The following PIGN variants were observed in gnomAD, a reference collection of about 807,000 sequenced individuals.
The protein encoded by PIGN is GPI ethanolamine phosphate transferase 1.
Under a neutral mutation model 125.4 loss-of-function variants are expected in PIGN, and 117 were observed. The observed-to-expected ratio is 0.93, with a 90% CI of 0.80 to 1.09. The LOEUF is 1.09. PIGN is among the 50% of genes least tolerant of loss of function. The pLI, the probability that PIGN is intolerant of heterozygous loss-of-function variation, is 0.00. For missense variants in PIGN, 1,075 were observed against 1,094.9 expected (o/e 0.98, Z 0.26); for synonymous variants, 392 against 377.8 (o/e 1.04, Z -0.44).
intron 14 of PIGN, among the ~76,000 whole-genome samples, chr18:62,116,539 T>C (rs1339237525): frequency 1.3e-5 from 2 of 152,198 alleles, no homozygotes; most frequent in East Asian, 1.9e-4. Context: ...TGTTCCCCTC[T>C]TTGCTTTCTA....
At chr18:62,165,468 A>G (rs999035542) in intron 1 of PIGN, among the ~76,000 whole-genome samples, 1 of 152,252 alleles carries the variant, frequency 6.6e-6, no homozygotes, top group African/African-American at 2.4e-5. Flanking sequence ...TGGTTTGAGC[A>G]TGTGAATGGT....
intron 30 of PIGN, among the ~76,000 whole-genome samples, chr18:62,059,695 T>C (rs552356913): frequency 2.0e-5 from 3 of 152,284 alleles, no homozygotes; most frequent in South Asian, 2.1e-4. Flanking sequence ...TTCTGTGTGA[T>C]GGAAATGTTC....
chr18:62,099,257 C>T (rs76144032), intron 22 of PIGN, among the ~76,000 whole-genome samples: 5,578 of 152,072 alleles, frequency 0.037, 153 homozygotes, highest in Middle Eastern at 0.071. Context: ...GGAAACAGCA[C>T]GAAATCTAGA....
At chr18:62,063,970 C>T (rs1298929011) in intron 30 of PIGN, among the ~76,000 whole-genome samples, 2 of 151,438 alleles carry the variant, frequency 1.3e-5, no homozygotes, top group African/African-American at 4.8e-5. Context: ...GGAGATATAC[C>T]TAATGTAAAT....
At position 62,157,185 on chromosome 18, in the gene PIGN, T is replaced by C. The variant is rs1462291476; in HGVS notation, c.386A>G (p.Glu129Gly). The C allele has an allele frequency of 9.3e-6, 15 of 1,609,922 alleles. No individual in the cohort carries two copies. The highest frequency in any genetic ancestry group is 1.3e-5 in the Non-Finnish European group (15 of 1,177,432). ...TCCCCAGCTCCATGTGTATTTACTT[T>C]CATTAAAAAGAGAATCAAACTCTAC... is the stretch of plus-strand genomic sequence containing the variant. ...NPVEFDSLFN[E>G]SKYTWSWGSP... The change falls in exon 6 of 31, where the codon GAA becomes GGA. Residue 129 changes from glutamate (E) to glycine (G), a missense_variant. By Grantham distance (98) the Glu-to-Gly change is moderately conservative. This residue lies in a region of PIGN where 152 missense variants were observed against 162.9 expected (regional missense o/e 0.93). Coordinates refer to ENST00000640252, the MANE Select transcript of PIGN (RefSeq NM_176787.5).
At chr18:62,032,382 T>C (rs2030204378) in intron 23 of PIGN, among the ~76,000 whole-genome samples, 1 of 152,246 alleles carries the variant, frequency 6.6e-6, no homozygotes, top group Non-Finnish European at 1.5e-5. Flanking sequence ...TCCTTCTGCT[T>C]CACATGCCAT....
At chr18:62,039,623 G>T (rs539226530), downstream of PIGN, among the ~76,000 whole-genome samples, 440 of 110,346 alleles carry the variant, frequency 4.0e-3, 30 homozygotes, top group Non-Finnish European at 6.8e-3. Context: ...CCCATCCAGA[G>T]TGCCGCACCC....
rs1343168241 is a variant in PIGN at position 62,109,821 on chromosome 18, A to G, written c.1574+13T>C. ...TGAAGTGAAAAAACAAGGCAGCAAG[A>G]TGCATTACTTACTCTCTTAGAACCG... On this transcript the variant is annotated intron_variant, in intron 17 of 30. Coordinates refer to ENST00000640252, the MANE Select transcript of PIGN (RefSeq NM_176787.5). 4.4e-6 allele frequency: 7 copies of G among 1,593,396 alleles called. No homozygotes were observed. Among genetic ancestry groups the G allele is most frequent in the Non-Finnish European group, 6.0e-6 (7 of 1,168,484 alleles).
chr18:62,184,417 T>G (rs919555402), intron 1 of PIGN: 1 of 152,178 alleles, frequency 6.6e-6, no homozygotes, highest in African/African-American at 2.4e-5. Context: ...TAATACATTA[T>G]TATAAGTAGT....
intron 22 of PIGN, among the ~76,000 whole-genome samples, chr18:62,098,613 G>C (rs1252008876): frequency 1.3e-5 from 2 of 152,000 alleles, no homozygotes; most frequent in African/African-American, 4.8e-5. Context: ...CATCCATTTG[G>C]AGATCATAGC....
rs149442208 is a variant in PIGN at position 62,156,178 on chromosome 18, A to C, written c.442+951T>G. On this transcript the variant is annotated intron_variant, in intron 6 of 30. Coordinates refer to ENST00000640252, the MANE Select transcript of PIGN (RefSeq NM_176787.5). ...TAAGAGATGTCCCAATATTTGCAGA[A>C]TCATGCATATAAACAATAAATCTAA... Among the ~76,000 whole-genome samples, 236 of 152,310 alleles carry C rather than the reference A, an allele frequency of 1.5e-3. 1 individual carries two copies. Among genetic ancestry groups the C allele is most frequent in the African/African-American group, 5.3e-3 (219 of 41,544 alleles).
chr18:62,064,162 G>C (rs2032369138), intron 30 of PIGN, among the ~76,000 whole-genome samples: 1 of 152,198 alleles, frequency 6.6e-6, no homozygotes, highest in Non-Finnish European at 1.5e-5. Flanking sequence ...TGTCACTGAA[G>C]GCTTAAGTGA....
chr18:62,113,227 A>T lies in PIGN; in HGVS notation c.1341T>A (p.Val447=). ...ATATCCATCCCACAAAACCAATAAC[A>T]ACATTGACGCCCAAAAAGAATCTGT... ...TYDRFFLGVN[V]VIGFVGWISY... Residue 447 remains valine (V), a synonymous_variant, in exon 16 of 31, where the codon GTT becomes GTA. Coordinates refer to ENST00000640252, the MANE Select transcript of PIGN (RefSeq NM_176787.5). 6.2e-7 allele frequency: 1 copy of T among 1,613,072 alleles called. No homozygotes were observed. Among genetic ancestry groups the T allele is most frequent in the Non-Finnish European group, 8.5e-7 (1 of 1,179,388 alleles).
intron 30 of PIGN, among the ~76,000 whole-genome samples, chr18:62,053,971 C>G (rs1295291635): frequency 1.3e-5 from 2 of 152,066 alleles, no homozygotes; most frequent in Non-Finnish European, 2.9e-5. Flanking sequence ...CACTTGGAAA[C>G]TAAACAACAC....
At chr18:62,109,219 C>T (rs2034776830) in intron 17 of PIGN, among the ~76,000 whole-genome samples, 1 of 152,204 alleles carries the variant, frequency 6.6e-6, no homozygotes, top group South Asian at 2.1e-4. Context: ...GTGTTTGAAA[C>T]TCACCAAAGA....
intron 30 of PIGN, among the ~76,000 whole-genome samples, chr18:62,050,231 G>C (rs1192389517): frequency 1.3e-5 from 2 of 152,178 alleles, no homozygotes; most frequent in African/African-American, 4.8e-5. Context: ...TTCCAATTCT[G>C]TGAAGAAAGG....
At chr18:62,121,968 G>T (rs191155668) in intron 14 of PIGN, among the ~76,000 whole-genome samples, 1 of 152,164 alleles carries the variant, frequency 6.6e-6, no homozygotes, top group Admixed American at 6.5e-5. Context: ...CATGGTGGTT[G>T]TACTAATTTA....
intron 7 of PIGN, among the ~76,000 whole-genome samples, chr18:62,152,870 T>TATA (rs1568234950): frequency 1.9e-4 from 3 of 15,972 alleles, no homozygotes; most frequent in African/African-American, 6.3e-4. Context: ...ATATATATAT[T>TATA]TTTTTTTTTA....
intron 1 of PIGN, among the ~76,000 whole-genome samples, chr18:62,183,194 T>C (rs996682237): frequency 6.6e-6 from 1 of 150,876 alleles, no homozygotes; most frequent in Non-Finnish European, 1.5e-5. Flanking sequence ...CTGAAGAACA[T>C]CATGTACACA....
Sources: gnomAD v4.1 joint callset for allele counts (sites outside exome capture counted in the v4.1 genomes callset) on GRCh38, gnomAD v4.1.1 for gene constraint, gnomAD v4.1.1 regional missense constraint, MANE v1.5 for transcripts, NCBI Gene and HGNC (gene_info 2026-07-23, HGNC 2026-07-21) for gene names.